The following COP1 variants were observed in gnomAD, a reference collection of about 807,000 sequenced individuals.
COP1 encodes E3 ubiquitin-protein ligase COP1.
In COP1, 24 loss-of-function variants were observed where a neutral mutation model predicts 101.3. The ratio of observed to expected loss-of-function variants is 0.24; its 90% confidence interval spans 0.17 to 0.33. The LOEUF is 0.33. Among genes scored for constraint, COP1 ranks in the 10% least tolerant of loss-of-function variants. The probability of loss-of-function intolerance (pLI) is 1.00; values close to 1 mark genes in which losing one functional copy is unlikely to be tolerated. For synonymous variants in COP1, 347 were observed against 341.9 expected (o/e 1.01, Z -0.17); for missense variants, 663 against 906.2 (o/e 0.73, Z 3.45).
intron 8 of COP1, among the ~76,000 whole-genome samples, chr1:176,128,791 CAAATA>C (rs1688450689): frequency 1.3e-5 from 2 of 151,354 alleles, no homozygotes; most frequent in Non-Finnish European, 1.5e-5. Context: ...AAAAAATTTC[CAAATA>C]AAATAAAGTT....
intron 11 of COP1, among the ~76,000 whole-genome samples, chr1:176,050,234 C>G (rs1054309029): frequency 6.6e-6 from 1 of 152,190 alleles, no homozygotes; most frequent in Admixed American, 6.5e-5. Flanking sequence ...CTGTAGGAAA[C>G]TAGCTGTATT....
intron 8 of COP1, among the ~76,000 whole-genome samples, chr1:176,134,304 C>T (rs1558177513): frequency 3.3e-5 from 5 of 151,988 alleles, no homozygotes; most frequent in Admixed American, 2.0e-4. Context: ...TCATGTAAAA[C>T]TGTTCTTAGT....
At chr1:176,171,632 T>C (rs1434341648) in intron 3 of COP1, among the ~76,000 whole-genome samples, 1 of 152,172 alleles carries the variant, frequency 6.6e-6, no homozygotes, top group African/African-American at 2.4e-5. Flanking sequence ...CACATGGTAG[T>C]GGAAAAGTGG....
chr1:176,023,135 T>C (rs1029083400), intron 15 of COP1, among the ~76,000 whole-genome samples: 18 of 152,182 alleles, frequency 1.2e-4, no homozygotes, highest in Admixed American at 1.2e-3. Flanking sequence ...ACAGCTCTCC[T>C]GGCCTATCTG....
chr1:176,035,839 G>T (rs1401549309), intron 14 of COP1, among the ~76,000 whole-genome samples: 1 of 151,230 alleles, frequency 6.6e-6, no homozygotes, highest in Non-Finnish European at 1.5e-5. Context: ...CAATGCATTT[G>T]AAATATTTAT....
intron 11 of COP1, among the ~76,000 whole-genome samples, chr1:176,062,908 A>G (rs1278295604): frequency 6.6e-6 from 1 of 152,214 alleles, no homozygotes; most frequent in African/African-American, 2.4e-5. Context: ...CATATACTGT[A>G]TGGTTCCACT....
chr1:176,066,217 A>C (rs948552163), intron 11 of COP1, among the ~76,000 whole-genome samples: 10 of 152,066 alleles, frequency 6.6e-5, no homozygotes, highest in African/African-American at 2.4e-4. Flanking sequence ...AAAGCCTCTA[A>C]GCCTAGCCAT....
chr1:176,178,770 T>C (rs1446513137), intron 2 of COP1, among the ~76,000 whole-genome samples: 1 of 151,972 alleles, frequency 6.6e-6, no homozygotes, highest in Admixed American at 6.6e-5. Flanking sequence ...GGAGAATCGC[T>C]TGAACCCGGG....
chr1:176,134,457 C>T (rs555345245), intron 8 of COP1, among the ~76,000 whole-genome samples: 63 of 152,094 alleles, frequency 4.1e-4, no homozygotes, highest in African/African-American at 1.3e-3. Context: ...AGGCTTTATT[C>T]TAAAATCTTG....
intron 8 of COP1, among the ~76,000 whole-genome samples, chr1:176,128,104 G>T (rs187830882): frequency 6.6e-6 from 1 of 151,842 alleles, no homozygotes; most frequent in African/African-American, 2.4e-5. Context: ...TGTATATTTT[G>T]TTCCTTGTAT....
chr1:176,100,720 C>T (rs1344545716), intron 9 of COP1, among the ~76,000 whole-genome samples: 2 of 152,148 alleles, frequency 1.3e-5, no homozygotes, highest in Non-Finnish European at 2.9e-5. Flanking sequence ...AAGAACTATG[C>T]ACCCAAATCT....
chr1:176,079,792 G>T (rs1678762480), intron 11 of COP1, among the ~76,000 whole-genome samples: 1 of 152,130 alleles, frequency 6.6e-6, no homozygotes, highest in Non-Finnish European at 1.5e-5. Context: ...CTGAATGTGG[G>T]TGATGGTTAT....
At position 176,162,864 on chromosome 1, in the gene COP1, C is replaced by T; in HGVS notation, c.762+5G>A. 6.3e-7 allele frequency: 1 copy of T among 1,585,620 alleles called. No individual in the cohort carries two copies. The highest frequency in any genetic ancestry group is 8.6e-7 in the Non-Finnish European group (1 of 1,168,888). On this transcript the variant is annotated splice_donor_5th_base_variant and intron_variant, in intron 5 of 19. Coordinates refer to ENST00000367669, the MANE Select transcript of COP1 (RefSeq NM_022457.7). ...AAATTTTTTTTAAGTTTAGCTACCA[C>T]TTACTGCTTCCAGTTGTTTCTTCTT...
rs1355357953 is a variant in COP1 at position 176,041,612 on chromosome 1, CA to C, written c.1612+1573del. ...GATCCACCCGCCTCAATCTCCCAAACAAAGTGCTGGGATTACAAGCATGAGC... is the reference window on the plus strand; with the variant it reads ...GATCCACCCGCCTCAATCTCCCAAACAAGTGCTGGGATTACAAGCATGAGC... On this transcript the variant is annotated intron_variant, in intron 14 of 19. Coordinates refer to ENST00000367669, the MANE Select transcript of COP1 (RefSeq NM_022457.7). Among the ~76,000 whole-genome samples, 19 of 152,156 alleles carry C rather than the reference CA, an allele frequency of 1.2e-4. No individual in the cohort carries two copies. The East Asian group carries it at 3.7e-3, about 30-fold the overall frequency.
chr1:176,046,224 T>C lies in COP1; in HGVS notation c.1378A>G (p.Ile460Val). ...GTCATTTCATTCTCAGGGTAATGAA[T>C]ATCCACTGCATCCTGGATGACAGTG... ...YDTVIQDAVD[I>V]HYPENEMTCN... Residue 460 changes from isoleucine (I) to valine (V), a missense_variant, in exon 12 of 20, where the codon ATT becomes GTT. Transcript: ENST00000367669. 6.2e-7 allele frequency: 1 copy of C among 1,605,732 alleles called. No individual in the cohort carries two copies. The highest frequency in any genetic ancestry group is 8.5e-7 in the Non-Finnish European group (1 of 1,177,478).
intron 11 of COP1, 67 bp downstream of exon 11, chr1:176,081,085 G>T: frequency 7.5e-7 from 1 of 1,333,930 alleles, no homozygotes; most frequent in Non-Finnish European, 1.1e-6. Context: ...TGGTATAAGT[G>T]CTTCTCAAAT....
At chr1:175,986,880 C>T in intron 18 of COP1, 63 bp downstream of exon 18, 2 of 1,240,106 alleles carry the variant, frequency 1.6e-6, no homozygotes, top group Non-Finnish European at 2.2e-6. Flanking sequence ...TTTAATCAAA[C>T]CCTGTGTATA....
intron 11 of COP1, among the ~76,000 whole-genome samples, chr1:176,061,800 T>C (rs1464765214): frequency 6.6e-6 from 1 of 152,002 alleles, no homozygotes; most frequent in Non-Finnish European, 1.5e-5. Flanking sequence ...TTCTACAGGA[T>C]AGAAAAATTT....
chr1:176,081,075 T>C, intron 11 of COP1, 77 bp downstream of exon 11: 2 of 1,245,008 alleles, frequency 1.6e-6, no homozygotes, highest in Non-Finnish European at 2.3e-6. Flanking sequence ...TTAATAATAA[T>C]GGTATAAGTG....
Sources: gnomAD v4.1 joint callset for allele counts (sites outside exome capture counted in the v4.1 genomes callset) on GRCh38, gnomAD v4.1.1 for gene constraint, MANE v1.5 for transcripts, NCBI Gene and HGNC (gene_info 2026-07-23, HGNC 2026-07-21) for gene names.